CALN1: variants seen among roughly 807,000 people sequenced by gnomAD.
The protein encoded by CALN1 is calneuron 1, also known as calcium-binding protein 8.
In CALN1, 17 loss-of-function variants were observed where a neutral mutation model predicts 30.6. That is an observed-to-expected ratio of 0.56 (90% confidence interval 0.38 to 0.83). CALN1 has a LOEUF of 0.83. Ranked by LOEUF, CALN1 falls within the 40% of genes least tolerant of loss-of-function variation. The probability of loss-of-function intolerance (pLI) is 0.00; values close to 1 mark genes in which losing one functional copy is unlikely to be tolerated. For missense variants in CALN1, 291 were observed against 354.9 expected (o/e 0.82, Z 1.45); for synonymous variants, 156 against 131.4 (o/e 1.19, Z -1.28).
intron 2 of CALN1, among the ~76,000 whole-genome samples, chr7:72,299,969 C>A (rs1799144680): frequency 6.6e-6 from 1 of 152,030 alleles, no homozygotes; most frequent in African/African-American, 2.4e-5. Flanking sequence ...ACGATCTCTG[C>A]CTCCCCGGTT....
intron 2 of CALN1, among the ~76,000 whole-genome samples, chr7:72,292,832 A>AAAAAAAAAC (rs1311382051): frequency 1.3e-5 from 2 of 151,288 alleles, no homozygotes; most frequent in Non-Finnish European, 2.9e-5. Flanking sequence ...AAAAAAAAAA[A>AAAAAAAAAC]AAGAATTTCA....
At chr7:72,393,741 GCT>G (rs1043037178) in intron 2 of CALN1, among the ~76,000 whole-genome samples, 1 of 115,046 alleles carries the variant, frequency 8.7e-6, no homozygotes, top group African/African-American at 3.7e-5. Flanking sequence ...TGACCATAGA[GCT>G]TTTTTTTTTT....
intron 5 of CALN1, among the ~76,000 whole-genome samples, chr7:71,834,669 AT>A (rs1789506154): frequency 6.6e-6 from 1 of 152,176 alleles, no homozygotes; most frequent in Non-Finnish European, 1.5e-5. Context: ...GCCCTATGCA[AT>A]TTGGAGACCT....
intron 5 of CALN1, among the ~76,000 whole-genome samples, chr7:71,909,138 T>G (rs1195595055): frequency 2.0e-5 from 3 of 152,050 alleles, no homozygotes; most frequent in Non-Finnish European, 4.4e-5. Flanking sequence ...CACCTCAGCC[T>G]CCTGAGTAGC....
intron 3 of CALN1, among the ~76,000 whole-genome samples, chr7:72,202,715 T>C (rs1791529440): frequency 6.6e-6 from 1 of 152,178 alleles, no homozygotes; most frequent in Admixed American, 6.6e-5. Context: ...TGCTTGGCTG[T>C]TTTTGCTTTG....
intron 3 of CALN1, among the ~76,000 whole-genome samples, chr7:72,193,681 CATCTATGT>C (rs1790784299): frequency 6.6e-6 from 1 of 152,136 alleles, no homozygotes; most frequent in South Asian, 2.1e-4. Context: ...CAGTGGTAAG[CATCTATGT>C]ATCTCAATAT....
intron 3 of CALN1, among the ~76,000 whole-genome samples, chr7:72,136,601 T>G (rs1306761900): frequency 1.3e-5 from 2 of 152,264 alleles, no homozygotes; most frequent in Non-Finnish European, 2.9e-5. Context: ...ATTCGCAACT[T>G]GGCTAACTCT....
rs573723675 is a variant in CALN1, at chr7:72,157,736, A to AGTTT, written c.245-51446_245-51443dup. ...AAAACCATTTGAAAGTTAGTCAGTTAGTTTGTTTGTTTGTTTGTTTGTTTT... is the reference window on the plus strand; with the variant it reads ...AAAACCATTTGAAAGTTAGTCAGTTAGTTTGTTTGTTTGTTTGTTTGTTTGTTTT... On this transcript the variant is annotated intron_variant, in intron 3 of 6. Transcript: ENST00000395275. 3.4e-3 allele frequency among the ~76,000 whole-genome samples: 510 copies of AGTTT among 151,918 alleles called. 1 individual carries two copies. The highest frequency in any genetic ancestry group is 7.7e-3 in the South Asian group (37 of 4,812).
At chr7:72,194,589 CCT>C (rs1372434807) in intron 3 of CALN1, among the ~76,000 whole-genome samples, 3 of 141,644 alleles carry the variant, frequency 2.1e-5, no homozygotes, top group Non-Finnish European at 4.6e-5. Flanking sequence ...TCCTAACTGG[CCT>C]CTTTTTTTTT....
In CALN1 at chr7:72,069,469, A is replaced by C. The variant is rs545691569; in HGVS notation, c.388+36682T>G. Among the ~76,000 whole-genome samples, 14 of 152,280 alleles carry C rather than the reference A, an allele frequency of 9.2e-5. No individual in the cohort carries two copies. In the South Asian group the frequency reaches 2.5e-3, roughly 27 times the overall value. On this transcript the variant is annotated intron_variant, in intron 4 of 6. Transcript: ENST00000395275. ...CTAAAGCACTCCCTCTGGAGGCTCT[A>C]GGGAGCATAAATTCTTTGCCTCTTC...
intron 3 of CALN1, among the ~76,000 whole-genome samples, chr7:72,159,518 C>G (rs1309957873): frequency 6.6e-6 from 1 of 150,640 alleles, no homozygotes; most frequent in Non-Finnish European, 1.5e-5. Context: ...AATAACACAG[C>G]CAGGCATAGT....
intron 1 of CALN1, among the ~76,000 whole-genome samples, chr7:72,433,347 G>T (rs932591702): frequency 8.5e-5 from 13 of 152,114 alleles, no homozygotes; most frequent in African/African-American, 2.9e-4. Context: ...CATCAGCTGT[G>T]CTATATAAAC....
intron 1 of CALN1, among the ~76,000 whole-genome samples, chr7:72,432,769 C>T (rs1313740501): frequency 6.6e-6 from 1 of 152,164 alleles, no homozygotes; most frequent in African/African-American, 2.4e-5. Flanking sequence ...TGCACCAGGG[C>T]TCTCTGAAGT....
intron 2 of CALN1, chr7:72,336,882 TGCCGCCGGCTCCCTCGGC>T (rs1400764161): frequency 1.4e-5 from 14 of 984,872 alleles, no homozygotes; most frequent in Non-Finnish European, 1.4e-5. Flanking sequence ...GCATCCTCGC[TGCCGCCGGCTCCCTCGGC>T]GCCCCCGGGC....
At chr7:72,144,397 A>T (rs565658760) in intron 3 of CALN1, among the ~76,000 whole-genome samples, 1 of 152,254 alleles carries the variant, frequency 6.6e-6, no homozygotes, top group Admixed American at 6.5e-5. Context: ...ATAATGGTAA[A>T]GGGATCAATT....
At chr7:72,076,126 C>T (rs1804709667) in intron 4 of CALN1, among the ~76,000 whole-genome samples, 2 of 151,928 alleles carry the variant, frequency 1.3e-5, no homozygotes, top group South Asian at 4.2e-4. Context: ...CTCACAGTGG[C>T]CAAGGACCTC....
intron 2 of CALN1, among the ~76,000 whole-genome samples, chr7:72,320,368 G>C (rs1800789088): frequency 6.6e-6 from 1 of 152,170 alleles, no homozygotes; most frequent in African/African-American, 2.4e-5. Flanking sequence ...GGAGGATTCA[G>C]GGAGCTCTAT....
intron 4 of CALN1, among the ~76,000 whole-genome samples, chr7:72,089,979 C>G (rs1055128728): frequency 6.6e-5 from 10 of 152,126 alleles, no homozygotes; most frequent in African/African-American, 2.4e-4. Context: ...AAAATCTTAG[C>G]AAATATCAGG....
At chr7:72,087,334 C>G (rs1805546917) in intron 4 of CALN1, among the ~76,000 whole-genome samples, 1 of 152,118 alleles carries the variant, frequency 6.6e-6, no homozygotes, top group Admixed American at 6.6e-5. Flanking sequence ...GGGTTTGAGA[C>G]CAGCCTGGCC....
Sources: gnomAD v4.1 joint callset for allele counts (sites outside exome capture counted in the v4.1 genomes callset) on GRCh38, gnomAD v4.1.1 for gene constraint, MANE v1.5 for transcripts, NCBI Gene and HGNC (gene_info 2026-07-23, HGNC 2026-07-21) for gene names.